ALK: variants seen among roughly 807,000 people sequenced by gnomAD.
ALK encodes the protein ALK receptor tyrosine kinase, also known as ALK tyrosine kinase receptor.
A neutral mutation model predicts 163.1 loss-of-function variants in ALK; 74 were observed. The ratio of observed to expected loss-of-function variants is 0.45; its 90% CI spans 0.38 to 0.55. The LOEUF is 0.55. ALK is among the 20% of genes least tolerant of loss of function. The probability of loss-of-function intolerance (pLI) is 0.00; values close to 1 mark genes in which losing one functional copy is unlikely to be tolerated. For missense variants in ALK, 2,063 were observed against 2,105.3 expected (o/e 0.98, Z 0.39); for synonymous variants, 960 against 843.2 (o/e 1.14, Z -2.40).
At chr2:29,555,792 T>C (rs1164887634) in intron 3 of ALK, among the ~76,000 whole-genome samples, 1 of 152,122 alleles carries the variant, frequency 6.6e-6, no homozygotes, top group Non-Finnish European at 1.5e-5. Context: ...AAAGCAGAAA[T>C]GCTTGAACTT....
At chr2:29,591,156 T>C (rs376492390) in intron 3 of ALK, among the ~76,000 whole-genome samples, 2 of 150,812 alleles carry the variant, frequency 1.3e-5, no homozygotes, top group African/African-American at 2.4e-5. Flanking sequence ...AGTCTTACCA[T>C]GCTTCAGCAA....
intron 4 of ALK, among the ~76,000 whole-genome samples, chr2:29,418,282 C>A (rs1669928526): frequency 6.6e-6 from 1 of 152,176 alleles, no homozygotes; most frequent in Non-Finnish European, 1.5e-5. Flanking sequence ...ACCCCTACTC[C>A]CCAGCACTCC....
At chr2:29,218,504 T>C (rs986748028) in intron 23 of ALK, among the ~76,000 whole-genome samples, 1 of 152,112 alleles carries the variant, frequency 6.6e-6, no homozygotes, top group Non-Finnish European at 1.5e-5. Context: ...TGTAATAATA[T>C]TGGAATCATC....
At chr2:29,437,743 C>G (rs1399429936) in intron 4 of ALK, among the ~76,000 whole-genome samples, 1 of 152,322 alleles carries the variant, frequency 6.6e-6, no homozygotes, top group East Asian at 1.9e-4. Flanking sequence ...ATAATAGGTT[C>G]TTTCTAACAC....
At chr2:29,774,282 C>T (rs909437351) in intron 1 of ALK, among the ~76,000 whole-genome samples, 1 of 152,148 alleles carries the variant, frequency 6.6e-6, no homozygotes, top group East Asian at 1.9e-4. Flanking sequence ...AACTTAATTC[C>T]AACCACCCTC....
At chr2:29,664,539 C>G (rs1677450731) in intron 3 of ALK, among the ~76,000 whole-genome samples, 1 of 152,090 alleles carries the variant, frequency 6.6e-6, no homozygotes, top group Non-Finnish European at 1.5e-5. Flanking sequence ...ACTATCAGAG[C>G]AATCTTGGCA....
intron 4 of ALK, among the ~76,000 whole-genome samples, chr2:29,517,097 C>T (rs1025634310): frequency 9.9e-5 from 15 of 152,196 alleles, no homozygotes; most frequent in Admixed American, 2.6e-4. Flanking sequence ...AATGAAAGTT[C>T]AGTGTATGTT....
intron 3 of ALK, among the ~76,000 whole-genome samples, chr2:29,569,863 G>A (rs1458010021): frequency 1.3e-5 from 2 of 152,212 alleles, no homozygotes; most frequent in Admixed American, 6.5e-5. Flanking sequence ...CTGGGTTCCA[G>A]GTTGTCCCCC....
chr2:29,795,437 T>C (rs1664284463), intron 1 of ALK, among the ~76,000 whole-genome samples: 1 of 152,180 alleles, frequency 6.6e-6, no homozygotes, highest in Non-Finnish European at 1.5e-5. Context: ...CTTTACAATA[T>C]ACCTATTTTT....
chr2:29,617,198 A>G (rs1431905257), intron 3 of ALK, among the ~76,000 whole-genome samples: 1 of 152,200 alleles, frequency 6.6e-6, no homozygotes, highest in African/African-American at 2.4e-5. Context: ...TTTAGATGTC[A>G]AAGCTATGAG....
intron 3 of ALK, among the ~76,000 whole-genome samples, chr2:29,674,515 G>C: frequency 6.7e-6 from 1 of 148,632 alleles, no homozygotes. Flanking sequence ...TTGCATCCCA[G>C]GGATGAAGAC....
chr2:29,795,371 A>G (rs940133516), intron 1 of ALK, among the ~76,000 whole-genome samples: 49 of 152,242 alleles, frequency 3.2e-4, no homozygotes, highest in African/African-American at 1.2e-3. Context: ...TAGTGGGAGT[A>G]TAAATTGTTC....
intron 3 of ALK, among the ~76,000 whole-genome samples, chr2:29,602,547 A>G (rs1004638326): frequency 1.3e-5 from 2 of 152,158 alleles, no homozygotes; most frequent in African/African-American, 4.8e-5. Context: ...GTCTAGCATT[A>G]CCTAACAAGG....
At chr2:29,646,096 A>G (rs1676866900) in intron 3 of ALK, among the ~76,000 whole-genome samples, 1 of 152,056 alleles carries the variant, frequency 6.6e-6, no homozygotes, top group African/African-American at 2.4e-5. Context: ...CCACTTGGCC[A>G]TTGTTATGGA....
chr2:29,235,103 G>T (rs1285207167), intron 13 of ALK, among the ~76,000 whole-genome samples: 3 of 152,228 alleles, frequency 2.0e-5, no homozygotes, highest in Non-Finnish European at 4.4e-5. Flanking sequence ...TTGTGCTGGA[G>T]ATTTCTGTAA....
At position 29,293,664 on chromosome 2, in the gene ALK, A is replaced by C. The variant is rs188653467; in HGVS notation, c.1817+3224T>G. Among the ~76,000 whole-genome samples the C allele has an allele frequency of 1.5e-3, 228 of 152,330 alleles. 2 individuals are homozygous for C. Among genetic ancestry groups the C allele is most frequent in the Non-Finnish European group, 2.8e-3 (189 of 68,032 alleles). On this transcript the variant is annotated intron_variant, in intron 9 of 28. Transcript: ENST00000389048. ...TAGAAGTAAGAATGTAGCATGGTAC[A>C]ACTGAGTGGAAGGAAGGGGAGATTG...
At chr2:29,413,268 C>A (rs1028557629) in intron 4 of ALK, among the ~76,000 whole-genome samples, 7 of 152,090 alleles carry the variant, frequency 4.6e-5, no homozygotes, top group African/African-American at 1.7e-4. Context: ...GTATGTTTTA[C>A]AGTAAACTCT....
chr2:29,883,277 T>C (rs1472758464), intron 1 of ALK, among the ~76,000 whole-genome samples: 1 of 152,240 alleles, frequency 6.6e-6, no homozygotes, highest in Non-Finnish European at 1.5e-5. Context: ...CTCCAGCTAC[T>C]GAGGTCTGCC....
At chr2:29,812,470 G>T (rs1664782419) in intron 1 of ALK, among the ~76,000 whole-genome samples, 1 of 151,936 alleles carries the variant, frequency 6.6e-6, no homozygotes, top group Non-Finnish European at 1.5e-5. Flanking sequence ...CTGAGAGGAG[G>T]GAAATAAGGC....
Sources: allele counts gnomAD v4.1 joint callset (sites outside exome capture counted in the v4.1 genomes callset), GRCh38; gene constraint gnomAD v4.1.1; transcripts MANE v1.5; gene names NCBI Gene and HGNC (gene_info 2026-07-23, HGNC 2026-07-21).